SMIM14: variants seen among roughly 807,000 people sequenced by gnomAD.
The protein encoded by SMIM14 is small integral membrane protein 14.
In SMIM14, 5 loss-of-function variants were observed where a neutral mutation model predicts 12.6. The ratio of observed to expected loss-of-function variants is 0.40; its 90% CI spans 0.21 to 0.83. The LOEUF (loss-of-function observed/expected upper bound fraction) is 0.83. Among genes scored for constraint, SMIM14 ranks in the 40% least tolerant of loss-of-function variants. SMIM14 has a pLI of 0.37. For synonymous variants in SMIM14, 30 were observed against 40.1 expected (o/e 0.75, Z 0.95); for missense variants, 86 against 119.1 (o/e 0.72, Z 1.29).
intron 2 of SMIM14, among the ~76,000 whole-genome samples, chr4:39,586,044 C>T (rs888253497): frequency 1.3e-5 from 2 of 152,102 alleles, no homozygotes; most frequent in Non-Finnish European, 2.9e-5. Context: ...CAGTCTCCCT[C>T]CCTTTTAGTT....
At chr4:39,609,813 G>C (rs191995131) in intron 1 of SMIM14, among the ~76,000 whole-genome samples, 26 of 152,288 alleles carry the variant, frequency 1.7e-4, no homozygotes, top group Middle Eastern at 3.4e-3. Flanking sequence ...GTAGGTAGAG[G>C]GAACCTAGTT....
At chr4:39,602,440 C>G (rs552300814) in intron 2 of SMIM14, among the ~76,000 whole-genome samples, 4 of 152,124 alleles carry the variant, frequency 2.6e-5, no homozygotes, top group African/African-American at 9.6e-5. Flanking sequence ...ACTAAAAATA[C>G]AAAAAGTAGC....
intron 2 of SMIM14, chr4:39,594,698 A>G (rs1342293883): frequency 6.7e-6 from 1 of 148,246 alleles, no homozygotes; most frequent in Non-Finnish European, 1.5e-5. Context: ...AACTCAAACA[A>G]ATTTACAAGA....
intron 2 of SMIM14, among the ~76,000 whole-genome samples, chr4:39,596,469 A>T (rs1393342964): frequency 6.6e-6 from 1 of 152,126 alleles, no homozygotes; most frequent in Non-Finnish European, 1.5e-5. Context: ...ACAGCCTAAA[A>T]CTAAATGGTC....
intron 2 of SMIM14, among the ~76,000 whole-genome samples, chr4:39,582,213 G>A (rs866367882): frequency 4.6e-5 from 7 of 152,194 alleles, no homozygotes; most frequent in Middle Eastern, 3.4e-3. Flanking sequence ...CAACACACTG[G>A]AAGAAGAGTA....
intron 1 of SMIM14, chr4:39,638,495 C>T (rs1716190028): frequency 1.0e-6 from 1 of 985,456 alleles, no homozygotes; most frequent in Non-Finnish European, 1.2e-6. Context: ...TGCAAAGCCC[C>T]GACTCTGACA....
intron 2 of SMIM14, among the ~76,000 whole-genome samples, chr4:39,583,531 G>A (rs2110025865): frequency 6.6e-6 from 1 of 152,094 alleles, no homozygotes; most frequent in Non-Finnish European, 1.5e-5. Context: ...AGCCCAACAT[G>A]GAAAATAAAA....
At chr4:39,600,464 T>A (rs1461636807) in intron 2 of SMIM14, among the ~76,000 whole-genome samples, 1 of 151,562 alleles carries the variant, frequency 6.6e-6, no homozygotes, top group Non-Finnish European at 1.5e-5. Context: ...CCGAGGCGGG[T>A]GGATCACCTG....
chr4:39,552,112 C>T lies in SMIM14; in HGVS notation c.*14G>A. 1 of 1,591,118 alleles carries T rather than the reference C, an allele frequency of 6.3e-7. No individual in the cohort carries two copies. Among genetic ancestry groups the T allele is most frequent in the East Asian group, 2.3e-5 (1 of 44,044 alleles). On this transcript the variant is annotated 3_prime_UTR_variant, in exon 5 of 5. Transcript: ENST00000295958. Reference sequence around the variant, plus strand: ...TGCAAGGTGTTAACTATTTTCACTTCCCATATCACAAAGTTAGTCCACAGG... The same window carrying T: ...TGCAAGGTGTTAACTATTTTCACTTTCCATATCACAAAGTTAGTCCACAGG...
At position 39,581,002 on chromosome 4, in the gene SMIM14, A is replaced by G. The variant is rs1010838153; in HGVS notation, c.76-8539T>C. Among the ~76,000 whole-genome samples the G allele has an allele frequency of 2.6e-5, 4 of 152,174 alleles. No individual in the cohort carries two copies. In the South Asian group the frequency reaches 6.2e-4, roughly 24 times the overall value. On this transcript the variant is annotated intron_variant, in intron 2 of 4. Coordinates refer to ENST00000295958, the MANE Select transcript of SMIM14 (RefSeq NM_174921.3). ...AATTTTTTCACATCATTGCAATATT[A>G]TAGCTAATATCACGTGCTTAATTAA...
At chr4:39,599,050 T>C (rs1236870102) in intron 2 of SMIM14, among the ~76,000 whole-genome samples, 1 of 152,242 alleles carries the variant, frequency 6.6e-6, no homozygotes, top group Non-Finnish European at 1.5e-5. Context: ...CTCTAGGAAC[T>C]TCCTATGAAA....
At chr4:39,564,492 A>C (rs1306445203) in intron 3 of SMIM14, among the ~76,000 whole-genome samples, 1 of 152,186 alleles carries the variant, frequency 6.6e-6, no homozygotes. Context: ...TCAACTGGTA[A>C]ATGAATCTGA....
At chr4:39,556,033 G>A (rs1022960031) in intron 4 of SMIM14, among the ~76,000 whole-genome samples, 3 of 152,132 alleles carry the variant, frequency 2.0e-5, no homozygotes, top group African/African-American at 7.2e-5. Flanking sequence ...AACTAGCCAG[G>A]TGTGCTAGTG....
Position 39,587,014 on chromosome 4 carries a change from A to G in SMIM14, c.76-14551T>C, listed in dbSNP as rs28427131. 3.2e-3 allele frequency among the ~76,000 whole-genome samples: 482 copies of G among 151,868 alleles called. 5 individuals carry two copies. The highest frequency in any genetic ancestry group is 0.011 in the African/African-American group (454 of 41,304). Reference sequence around the variant, plus strand: ...GCACTAATCCTATCACAAGGCCTCTACCCTCATGAACTCATTACCTTCCAA... The same window carrying G: ...GCACTAATCCTATCACAAGGCCTCTGCCCTCATGAACTCATTACCTTCCAA... On this transcript the variant is annotated intron_variant, in intron 2 of 4. Transcript: ENST00000295958.
At chr4:39,569,323 A>G (rs1187737005) in intron 3 of SMIM14, among the ~76,000 whole-genome samples, 1 of 152,212 alleles carries the variant, frequency 6.6e-6, no homozygotes, top group East Asian at 1.9e-4. Flanking sequence ...AAGCTGTTAT[A>G]TCTGTGGAAT....
intron 1 of SMIM14, among the ~76,000 whole-genome samples, chr4:39,606,629 G>A (rs1418915719): frequency 3.1e-5 from 3 of 98,150 alleles, no homozygotes; most frequent in African/African-American, 1.1e-4. Flanking sequence ...GACAGAGCAA[G>A]ACTCCGTCTC....
At chr4:39,556,309 C>G in intron 4 of SMIM14, 119 bp downstream of exon 4, 1 of 899,524 alleles carries the variant, frequency 1.1e-6, no homozygotes, top group Non-Finnish European at 1.7e-6. Context: ...AGGTAGAATA[C>G]TCTATGAGTT....
At chr4:39,576,931 G>C (rs931279954) in intron 2 of SMIM14, among the ~76,000 whole-genome samples, 2 of 150,632 alleles carry the variant, frequency 1.3e-5, no homozygotes, top group Non-Finnish European at 3.0e-5. Context: ...GGCTGGTCTC[G>C]AACTCCTGAC....
intron 3 of SMIM14, among the ~76,000 whole-genome samples, chr4:39,568,952 G>A (rs1690385128): frequency 1.3e-5 from 2 of 152,144 alleles, no homozygotes; most frequent in South Asian, 4.1e-4. Flanking sequence ...GTTAGGAAGT[G>A]ACATTTTACC....
Sources: gnomAD v4.1 joint callset for allele counts (sites outside exome capture counted in the v4.1 genomes callset) on GRCh38, gnomAD v4.1.1 for gene constraint, MANE v1.5 for transcripts, NCBI Gene and HGNC (gene_info 2026-07-23, HGNC 2026-07-21) for gene names.